Variants in C8orf48 observed in about 807,000 individuals in gnomAD.
C8orf48 encodes the protein chromosome 8 open reading frame 48.
For missense variants in C8orf48, 580 were observed against 363.3 expected (o/e 1.60, Z -4.85); for synonymous variants, 188 against 138.2 (o/e 1.36, Z -2.53).
chr8:13,567,176 C>T lies in C8orf48; in HGVS notation c.185C>T (p.Pro62Leu), dbSNP rs1359227709. 2 of 1,551,748 alleles carry T rather than the reference C, an allele frequency of 1.3e-6. No individual in the cohort carries two copies. Among genetic ancestry groups the T allele is most frequent in the Non-Finnish European group, 1.7e-6 (2 of 1,147,012 alleles). Reference protein sequence around the residue: ...GSKLEREKQTPSLEQGDTQSE... With the variant: ...GSKLEREKQTLSLEQGDTQSE... ...AAACTGGAGAGGGAAAAGCAGACTC[C>T]AAGCTTGGAACAAGGAGACACACAA... The change falls in exon 1 of 1, where the codon CCA (proline) becomes CTA (leucine). Residue 62 changes from proline to leucine, a missense_variant. By Grantham distance (98) the Pro-to-Leu change is moderately conservative (BLOSUM62 -3). Transcript: ENST00000297324.
At position 13,567,994 on chromosome 8, in the gene C8orf48, A is replaced by G; in HGVS notation, c.*43A>G. 6.8e-7 allele frequency: 1 copy of G among 1,477,352 alleles called. No homozygotes were observed. The allele number at this position is 1,477,352 out of a possible 1,614,324, so 91.5% of individuals were successfully genotyped here. ...GTTGTGTATTTGAGTAATTACCATA[A>G]TTTCTACAGGCACTTGGGAAACTAA... On this transcript the variant is annotated 3_prime_UTR_variant, in exon 1 of 1. Coordinates refer to ENST00000297324, the MANE Select transcript of C8orf48 (RefSeq NM_001007090.3).
Position 13,567,067 on chromosome 8 carries a change from A to G in C8orf48, c.76A>G (p.Lys26Glu), listed in dbSNP as rs1269697569. 2 of 1,551,776 alleles carry G rather than the reference A, an allele frequency of 1.3e-6. No individual in the cohort carries two copies. Among genetic ancestry groups the G allele is most frequent in the East Asian group, 2.4e-5 (1 of 40,900 alleles). The change falls in exon 1 of 1, where the codon AAG becomes GAG. Residue 26 changes from lysine (K) to glutamate (E), a missense_variant. Transcript: ENST00000297324. ...ANLSDETETL[K>E]NSTDEVQTSS... ...CCTTTCTGATGAGACTGAGACTTTGAAGAACTCTACTGATGAGGTACAGAC... is the reference window on the plus strand; with the variant it reads ...CCTTTCTGATGAGACTGAGACTTTGGAGAACTCTACTGATGAGGTACAGAC...
chr8:13,567,009 A>G lies in C8orf48; in HGVS notation c.18A>G (p.Glu6=), dbSNP rs1206474886. The G allele has an allele frequency of 8.4e-6, 13 of 1,549,708 alleles. 2 individuals are homozygous for G. The highest frequency in any genetic ancestry group is 7.2e-5 in the South Asian group (6 of 83,838). Residue 6 remains glutamate, a synonymous_variant, in exon 1 of 1, where the codon GAA becomes GAG. Coordinates refer to ENST00000297324, the MANE Select transcript of C8orf48 (RefSeq NM_001007090.3). Reference sequence around the variant, plus strand: ...GCATTGTGATGGCCATCTGCCCAGAATTGGCCCAAACGGACAAAAGTGCTC... The same window carrying G: ...GCATTGTGATGGCCATCTGCCCAGAGTTGGCCCAAACGGACAAAAGTGCTC... MAICP[E]LAQTDKSALA...
Position 13,568,058 on chromosome 8 carries a change from C to G in C8orf48, c.*107C>G. Reference sequence around the variant, plus strand: ...TATGCTTCCTTCACAGATTTGAGGACTAAGAACTTTCACTTTTTTTTTCCT... The same window carrying G: ...TATGCTTCCTTCACAGATTTGAGGAGTAAGAACTTTCACTTTTTTTTTCCT... On this transcript the variant is annotated 3_prime_UTR_variant, in exon 1 of 1. Coordinates refer to ENST00000297324, the MANE Select transcript of C8orf48 (RefSeq NM_001007090.3). 1 of 1,240,050 alleles carries G rather than the reference C, an allele frequency of 8.1e-7. No individual in the cohort carries two copies. Among genetic ancestry groups the G allele is most frequent in the African/African-American group, 1.5e-5 (1 of 65,538 alleles). The allele number at this position is 1,240,050 out of a possible 1,614,324, so 76.8% of individuals were successfully genotyped here. A position where few individuals can be genotyped will look rare whatever the true frequency, so the allele number is the denominator to read the frequency against.
At position 13,568,051 on chromosome 8, in the gene C8orf48, T is replaced by C. The variant is rs547918239; in HGVS notation, c.*100T>C. 6.2e-6 allele frequency: 8 copies of C among 1,284,056 alleles called. No homozygotes were observed. In the South Asian group the frequency reaches 9.9e-5, roughly 16 times the overall value. 79.5% of individuals were successfully genotyped at this position (1,284,056 alleles called of 1,614,324 possible). On this transcript the variant is annotated 3_prime_UTR_variant, in exon 1 of 1. Transcript: ENST00000297324. ...ACTTTACTATGCTTCCTTCACAGAT[T>C]TGAGGACTAAGAACTTTCACTTTTT... is the stretch of plus-strand genomic sequence containing the variant.
chr8:13,566,892 G>A lies in C8orf48; in HGVS notation c.-100G>A. On this transcript the variant is annotated 5_prime_UTR_variant, in exon 1 of 1. An upstream start codon of the reference 5' UTR is lost. Coordinates refer to ENST00000297324, the MANE Select transcript of C8orf48 (RefSeq NM_001007090.3). ...GGAAGACGACCTCCGCAGAGCTGATGGCATTGAGATCCATTCCCGGAGGGG... is the reference window on the plus strand; with the variant it reads ...GGAAGACGACCTCCGCAGAGCTGATAGCATTGAGATCCATTCCCGGAGGGG... 1 of 1,399,556 alleles carries A rather than the reference G, an allele frequency of 7.1e-7. No individual in the cohort carries two copies. The highest frequency in any genetic ancestry group is 1.5e-5 in the African/African-American group (1 of 68,826). The allele number at this position is 1,399,556 out of a possible 1,614,324, so 86.7% of individuals were successfully genotyped here. A position where few individuals can be genotyped will look rare whatever the true frequency, so the allele number is the denominator to read the frequency against.
In C8orf48 at chr8:13,567,968, T is replaced by C. The variant is rs920913836; in HGVS notation, c.*17T>C. The C allele has an allele frequency of 6.6e-7, 1 of 1,513,832 alleles. No individual in the cohort carries two copies. The highest frequency in any genetic ancestry group is 1.4e-5 in the African/African-American group (1 of 71,808). The allele number at this position is 1,513,832 out of a possible 1,614,324, so 93.8% of individuals were successfully genotyped here. Reference sequence around the variant, plus strand: ...AATGTGTAATGTGGATAGATGTCTTTGTTGTGTATTTGAGTAATTACCATA... The same window carrying C: ...AATGTGTAATGTGGATAGATGTCTTCGTTGTGTATTTGAGTAATTACCATA... On this transcript the variant is annotated 3_prime_UTR_variant, in exon 1 of 1. Coordinates refer to ENST00000297324, the MANE Select transcript of C8orf48 (RefSeq NM_001007090.3).
chr8:13,567,111 C>A lies in C8orf48; in HGVS notation c.120C>A (p.Ser40=). Residue 40 remains serine (S), a synonymous_variant, in exon 1 of 1, where the codon TCC becomes TCA. Transcript: ENST00000297324. The part of the protein sequence containing the change: ...DEVQTSSSFS[S]SGGRQSSPLT... ...TACAGACTTCCAGCTCATTCAGCTCCTCTGGAGGACGGCAGTCCTCGCCCC... is the reference window on the plus strand; with the variant it reads ...TACAGACTTCCAGCTCATTCAGCTCATCTGGAGGACGGCAGTCCTCGCCCC... 6.4e-7 allele frequency: 1 copy of A among 1,551,762 alleles called. No individual in the cohort carries two copies. The highest frequency in any genetic ancestry group is 8.7e-7 in the Non-Finnish European group (1 of 1,147,014).
In C8orf48 at chr8:13,566,983, T is replaced by C; in HGVS notation, c.-9T>C. ...AAAGGAGATGAGGAGCCGAGCCTGA[T>C]GCATTGTGATGGCCATCTGCCCAGA... On this transcript the variant is annotated 5_prime_UTR_variant, in exon 1 of 1. It removes an upstream start codon present in the reference 5' UTR. Transcript: ENST00000297324. 2.0e-6 allele frequency: 3 copies of C among 1,537,994 alleles called. No homozygotes were observed. The highest frequency in any genetic ancestry group is 2.6e-6 in the Non-Finnish European group (3 of 1,138,976).
Position 13,567,038 on chromosome 8 carries a change from C to G in C8orf48, c.47C>G (p.Ala16Gly), listed in dbSNP as rs751163792. 5.6e-5 allele frequency: 87 copies of G among 1,551,420 alleles called. No individual in the cohort carries two copies. In the South Asian group the frequency reaches 1.0e-3, roughly 18 times the overall value. ...ELAQTDKSAL[A>G]NLSDETETLK... is the part of the protein sequence containing the mutation. ...GCCCAAACGGACAAAAGTGCTCTTG[C>G]AAACCTTTCTGATGAGACTGAGACT... The change falls in exon 1 of 1, where the codon GCA (alanine) becomes GGA (glycine). Residue 16 changes from alanine (A) to glycine (G), a missense_variant. By Grantham distance (60) the Ala-to-Gly change is moderately conservative. Transcript: ENST00000297324.
chr8:13,567,565 A>G lies in C8orf48; in HGVS notation c.574A>G (p.Lys192Glu). ...RTTPKQEAAA[K>E]QHISYQCPYC... is the part of the protein sequence containing the mutation. ...AACGCCAAAACAGGAGGCAGCAGCT[A>G]AGCAACACATATCTTATCAGTGTCC... The change falls in exon 1 of 1, where the codon AAG becomes GAG. Residue 192 changes from lysine (K) to glutamate (E), a missense_variant. Coordinates refer to ENST00000297324, the MANE Select transcript of C8orf48 (RefSeq NM_001007090.3). 6.4e-7 allele frequency: 1 copy of G among 1,551,806 alleles called. No homozygotes were observed. The highest frequency in any genetic ancestry group is 8.7e-7 in the Non-Finnish European group (1 of 1,147,024).
rs1402320616 is a variant in C8orf48 at position 13,567,987 on chromosome 8, T to C, written c.*36T>C. 1 of 1,482,270 alleles carries C rather than the reference T, an allele frequency of 6.7e-7. No homozygotes were observed. 91.8% of individuals were successfully genotyped at this position (1,482,270 alleles called of 1,614,324 possible). A position where few individuals can be genotyped will look rare whatever the true frequency, so the allele number is the denominator to read the frequency against. On this transcript the variant is annotated 3_prime_UTR_variant, in exon 1 of 1. Coordinates refer to ENST00000297324, the MANE Select transcript of C8orf48 (RefSeq NM_001007090.3). ...TGTCTTTGTTGTGTATTTGAGTAAT[T>C]ACCATAATTTCTACAGGCACTTGGG...
Position 13,567,358 on chromosome 8 carries a change from C to A in C8orf48, c.367C>A (p.Gln123Lys), listed in dbSNP as rs750546085. The change falls in exon 1 of 1, where the codon CAG becomes AAG. Residue 123 changes from glutamine (Q) to lysine (K), a missense_variant. Physicochemically the swap from Gln to Lys is moderately conservative, Grantham distance 53. Coordinates refer to ENST00000297324, the MANE Select transcript of C8orf48 (RefSeq NM_001007090.3). ...RVSDEELNALQSYCTMKINLI... is the reference protein window; with the variant it reads ...RVSDEELNALKSYCTMKINLI... ...ATCAGATGAAGAATTGAATGCCCTG[C>A]AGTCTTATTGCACCATGAAGATAAA... 1.7e-5 allele frequency: 27 copies of A among 1,551,530 alleles called. No individual in the cohort carries two copies. Among genetic ancestry groups the A allele is most frequent in the Non-Finnish European group, 2.2e-5 (25 of 1,147,000 alleles).
Position 13,567,731 on chromosome 8 carries a change from C to G in C8orf48, c.740C>G (p.Ala247Gly). Residue 247 changes from alanine to glycine, a missense_variant, in exon 1 of 1, where the codon GCA becomes GGA. Ala to Gly is a moderately conservative substitution (Grantham distance 60, BLOSUM62 0). Transcript: ENST00000297324. ...GACTTTCTCACCCGTATTGGAGAAG[C>G]ACATCAAGACTTTCCCAGGCTTTCA... ...TKDFLTRIGE[A>G]HQDFPRLSDD... 1 of 1,552,076 alleles carries G rather than the reference C, an allele frequency of 6.4e-7. No homozygotes were observed. The highest frequency in any genetic ancestry group is 8.7e-7 in the Non-Finnish European group (1 of 1,147,086).
At chr8:13,567,016 C>T in the C8orf48 span, 6 of 1,550,216 alleles carry the variant, frequency 3.9e-6, no homozygotes, top group African/African-American at 1.4e-5. Context: ...AGAATTGGCC[C>T]AAACGGACAA....
At position 13,567,956 on chromosome 8, in the gene C8orf48, G is replaced by C; in HGVS notation, c.*5G>C. On this transcript the variant is annotated 3_prime_UTR_variant, in exon 1 of 1. Transcript: ENST00000297324. ...ATTGTTAATGATAATGTGTAATGTGGATAGATGTCTTTGTTGTGTATTTGA... is the reference window on the plus strand; with the variant it reads ...ATTGTTAATGATAATGTGTAATGTGCATAGATGTCTTTGTTGTGTATTTGA... The C allele has an allele frequency of 6.5e-7, 1 of 1,529,708 alleles. No individual in the cohort carries two copies. Among genetic ancestry groups the C allele is most frequent in the Middle Eastern group, 1.8e-4 (1 of 5,556 alleles). 94.8% of individuals were successfully genotyped at this position (1,529,708 alleles called of 1,614,324 possible).
chr8:13,568,035 T>C lies in C8orf48; in HGVS notation c.*84T>C, dbSNP rs1392470821. On this transcript the variant is annotated 3_prime_UTR_variant, in exon 1 of 1. Transcript: ENST00000297324. ...GGGAAACTAACTTAAGACTTTACTA[T>C]GCTTCCTTCACAGATTTGAGGACTA... is the stretch of plus-strand genomic sequence containing the variant. 2.2e-6 allele frequency: 3 copies of C among 1,371,050 alleles called. No individual in the cohort carries two copies. The African/African-American group carries it at 4.4e-5, about 20-fold the overall frequency. The allele number at this position is 1,371,050 out of a possible 1,614,324, so 84.9% of individuals were successfully genotyped here.
Position 13,567,571 on chromosome 8 carries a change from C to T in C8orf48, c.580C>T (p.His194Tyr), listed in dbSNP as rs1804493157. 1.9e-6 allele frequency: 3 copies of T among 1,551,782 alleles called. No homozygotes were observed. Among genetic ancestry groups the T allele is most frequent in the East Asian group, 4.9e-5 (2 of 40,916 alleles). Residue 194 changes from histidine (H) to tyrosine (Y), a missense_variant, in exon 1 of 1, where the codon CAC becomes TAC. Transcript: ENST00000297324. ...TPKQEAAAKQ[H>Y]ISYQCPYCNR... ...AAAACAGGAGGCAGCAGCTAAGCAA[C>T]ACATATCTTATCAGTGTCCCTATTG...
In C8orf48 at chr8:13,568,041, C is replaced by T. The variant is rs749543123; in HGVS notation, c.*90C>T. ...CTAACTTAAGACTTTACTATGCTTC[C>T]TTCACAGATTTGAGGACTAAGAACT... On this transcript the variant is annotated 3_prime_UTR_variant, in exon 1 of 1. Transcript: ENST00000297324. The T allele has an allele frequency of 1.0e-5, 14 of 1,344,596 alleles. No individual in the cohort carries two copies. The highest frequency in any genetic ancestry group is 5.9e-5 in the African/African-American group (4 of 67,494). The allele number at this position is 1,344,596 out of a possible 1,614,324, so 83.3% of individuals were successfully genotyped here. A position where few individuals can be genotyped will look rare whatever the true frequency, so the allele number is the denominator to read the frequency against.
Sources: gnomAD v4.1 joint callset for allele counts on GRCh38, gnomAD v4.1.1 for gene constraint, MANE v1.5 for transcripts, NCBI Gene and HGNC (gene_info 2026-07-23, HGNC 2026-07-21) for gene names.